The following DPP6 variants were observed in gnomAD, a reference collection of about 807,000 sequenced individuals.
DPP6 encodes the protein A-type potassium channel modulatory protein DPP6.
In DPP6, 69 loss-of-function variants were observed where a neutral mutation model predicts 122.6. The ratio of observed to expected loss-of-function variants is 0.56; its 90% CI spans 0.46 to 0.69. The LOEUF (loss-of-function observed/expected upper bound fraction) is 0.69, where lower values mean the gene tolerates loss of function less well. DPP6 is among the 30% of genes least tolerant of loss of function. The pLI is 0.00. For missense variants in DPP6, 928 were observed against 1,116.9 expected (o/e 0.83, Z 2.41); for synonymous variants, 418 against 433.1 (o/e 0.97, Z 0.43).
At chr7:154,857,605 C>A (rs1206159674) in intron 17 of DPP6, among the ~76,000 whole-genome samples, 1 of 152,218 alleles carries the variant, frequency 6.6e-6, no homozygotes, top group Non-Finnish European at 1.5e-5. Context: ...AAACAAAATG[C>A]ACTGAGTTTT....
chr7:153,765,023 T>C, the DPP6 span, among the ~76,000 whole-genome samples: 1 of 152,118 alleles, frequency 6.6e-6, no homozygotes, highest in Non-Finnish European at 1.5e-5. Context: ...AAACCTGTAC[T>C]TTCCTTTTCC....
chr7:154,294,157 G>A (rs937301668), intron 1 of DPP6, among the ~76,000 whole-genome samples: 2 of 152,126 alleles, frequency 1.3e-5, no homozygotes, highest in African/African-American at 2.4e-5. Context: ...TCCCTGCCAC[G>A]GAGAAACTCA....
chr7:154,239,644 G>C (rs948888259), intron 1 of DPP6, among the ~76,000 whole-genome samples: 1 of 152,000 alleles, frequency 6.6e-6, no homozygotes, highest in Non-Finnish European at 1.5e-5. Context: ...TCAGCAGTAG[G>C]CTATTACTAG....
At chr7:154,856,982 C>T (rs1802893845) in intron 17 of DPP6, among the ~76,000 whole-genome samples, 1 of 152,240 alleles carries the variant, frequency 6.6e-6, no homozygotes, top group Non-Finnish European at 1.5e-5. Flanking sequence ...GGAAACTGGA[C>T]GGCGTTTAGA....
the DPP6 span, among the ~76,000 whole-genome samples, chr7:153,795,439 A>G: frequency 6.6e-6 from 1 of 152,184 alleles, no homozygotes; most frequent in Non-Finnish European, 1.5e-5. Context: ...AATAGAATCT[A>G]TAGTGATGCC....
chr7:154,820,926 C>T (rs1799720399), intron 16 of DPP6, among the ~76,000 whole-genome samples: 1 of 152,168 alleles, frequency 6.6e-6, no homozygotes, highest in African/African-American at 2.4e-5. Flanking sequence ...TATAAGATTA[C>T]AGGCAGGGCT....
At chr7:154,711,229 T>C (rs1352812401) in intron 7 of DPP6, among the ~76,000 whole-genome samples, 1 of 152,200 alleles carries the variant, frequency 6.6e-6, no homozygotes, top group African/African-American at 2.4e-5. Context: ...GGGTTCACTA[T>C]GAATGTTTAA....
At chr7:154,560,099 C>T (rs950623035) in intron 4 of DPP6, among the ~76,000 whole-genome samples, 11 of 151,750 alleles carry the variant, frequency 7.2e-5, no homozygotes, top group Admixed American at 5.2e-4. Context: ...AAAAATTACA[C>T]CAGATGAAAA....
intron 17 of DPP6, among the ~76,000 whole-genome samples, chr7:154,854,761 G>A (rs1802688207): frequency 6.6e-6 from 1 of 152,162 alleles, no homozygotes. Context: ...GCACATCCGT[G>A]TTTACGCGAG....
At chr7:154,041,074 CT>C in intron 1 of DPP6, among the ~76,000 whole-genome samples, 1 of 152,136 alleles carries the variant, frequency 6.6e-6, no homozygotes, top group South Asian at 2.1e-4. Flanking sequence ...CTCTTTTCCC[CT>C]CTCCCTCCTC....
chr7:154,238,090 A>G (rs911557001), intron 1 of DPP6, among the ~76,000 whole-genome samples: 3 of 152,206 alleles, frequency 2.0e-5, no homozygotes, highest in Non-Finnish European at 4.4e-5. Flanking sequence ...TTTCCTCACC[A>G]AAGAGATGTG....
intron 5 of DPP6, among the ~76,000 whole-genome samples, chr7:154,623,589 GCA>G (rs1391047562): frequency 2.8e-5 from 4 of 141,842 alleles, no homozygotes; most frequent in Admixed American, 2.1e-4. Flanking sequence ...ACGCACACGC[GCA>G]CACACACGCT....
intron 7 of DPP6, among the ~76,000 whole-genome samples, chr7:154,708,541 T>C (rs547329261): frequency 6.6e-6 from 1 of 152,328 alleles, no homozygotes; most frequent in Non-Finnish European, 1.5e-5. Flanking sequence ...CATACACATA[T>C]TTATAGCTCA....
intron 12 of DPP6, among the ~76,000 whole-genome samples, chr7:154,799,595 G>T (rs184700483): frequency 8.9e-4 from 135 of 152,304 alleles, no homozygotes; most frequent in African/African-American, 3.2e-3. Context: ...TGGAAGGGGG[G>T]TTGGACAAAA....
intron 1 of DPP6, among the ~76,000 whole-genome samples, chr7:153,948,727 T>C (rs1284778901): frequency 6.7e-6 from 1 of 149,998 alleles, no homozygotes; most frequent in South Asian, 2.2e-4. Context: ...TCCTCTATAA[T>C]ATAGACTACC....
chr7:153,830,502 A>C, the DPP6 span, among the ~76,000 whole-genome samples: 1 of 152,350 alleles, frequency 6.6e-6, no homozygotes, highest in East Asian at 1.9e-4. Flanking sequence ...TTCCAAGAGC[A>C]ATTTGACCTA....
chr7:154,003,411 G>T (rs1466098286), intron 1 of DPP6, among the ~76,000 whole-genome samples: 1 of 152,194 alleles, frequency 6.6e-6, no homozygotes, highest in East Asian at 1.9e-4. Context: ...TATTATATCA[G>T]TTTAGCCAGG....
At chr7:154,629,256 A>G (rs1276781175) in intron 5 of DPP6, among the ~76,000 whole-genome samples, 1 of 152,144 alleles carries the variant, frequency 6.6e-6, no homozygotes, top group Non-Finnish European at 1.5e-5. Flanking sequence ...CTTTGAGTAA[A>G]CACTTCATTT....
At chr7:154,892,157 C>G (rs1398710641) in intron 25 of DPP6, among the ~76,000 whole-genome samples, 177 bp from the exon 26 acceptor site, 1 of 152,194 alleles carries the variant, frequency 6.6e-6, no homozygotes, top group Non-Finnish European at 1.5e-5. Context: ...CCAGGCAGAT[C>G]TCCCAGGAGG....
Sources: gnomAD v4.1 joint callset for allele counts (sites outside exome capture counted in the v4.1 genomes callset) on GRCh38, gnomAD v4.1.1 for gene constraint, MANE v1.5 for transcripts, NCBI Gene and HGNC (gene_info 2026-07-23, HGNC 2026-07-21) for gene names.